Variants in GLDC observed in about 807,000 individuals in gnomAD.
GLDC encodes glycine decarboxylase.
Under a neutral mutation model 121.3 loss-of-function variants are expected in GLDC, and 104 were observed. That is an observed-to-expected ratio of 0.86 (90% CI 0.73 to 1.01). The LOEUF (loss-of-function observed/expected upper bound fraction) is 1.01. Among genes scored for constraint, GLDC ranks in the 50% least tolerant of loss-of-function variants. GLDC has a pLI of 0.00. For synonymous variants in GLDC, 546 were observed against 480.6 expected, an observed-to-expected ratio of 1.14 and a Z score of -1.78; for missense variants, 1,429 against 1,306.6, an observed-to-expected ratio of 1.09 and a Z score of -1.44.
intron 22 of GLDC, among the ~76,000 whole-genome samples, chr9:6,537,812 T>C (rs999210300): frequency 6.6e-6 from 1 of 151,942 alleles, no homozygotes; most frequent in Admixed American, 6.6e-5. Context: ...TCCAGATGAG[T>C]TGAAAGGACT....
intron 21 of GLDC, among the ~76,000 whole-genome samples, chr9:6,542,997 A>G (rs115409809): frequency 0.015 from 2,224 of 151,892 alleles, 61 homozygotes; most frequent in African/African-American, 0.052. Context: ...GGGGAAAATC[A>G]TTAGACTAAG....
chr9:6,637,952 GT>G (rs1819541327), intron 2 of GLDC, among the ~76,000 whole-genome samples: 1 of 150,892 alleles, frequency 6.6e-6, no homozygotes, highest in Non-Finnish European at 1.5e-5. Flanking sequence ...ACCTCCCAAA[GT>G]GCTGAGATTA....
chr9:6,603,883 C>T (rs1818677207), intron 7 of GLDC, among the ~76,000 whole-genome samples: 1 of 151,876 alleles, frequency 6.6e-6, no homozygotes, highest in Non-Finnish European at 1.5e-5. Flanking sequence ...GCGCCCACCA[C>T]CACGCCCACC....
In GLDC at chr9:6,568,619, G is replaced by T. The variant is rs564232006; in HGVS notation, c.1851-3190C>A. ...TCCTAACACTTTGGGAGGCCAAGGT[G>T]GGCGGATCACCTGAGATCAGGAGTT... On this transcript the variant is annotated intron_variant, in intron 15 of 24. Coordinates refer to ENST00000321612, the MANE Select transcript of GLDC (RefSeq NM_000170.3). Among the ~76,000 whole-genome samples, 4 of 152,298 alleles carry T rather than the reference G, an allele frequency of 2.6e-5. No individual in the cohort carries two copies. The East Asian group carries it at 7.7e-4, about 29-fold the overall frequency.
At chr9:6,548,929 C>T (rs1409043185) in intron 21 of GLDC, among the ~76,000 whole-genome samples, 1 of 152,160 alleles carries the variant, frequency 6.6e-6, no homozygotes, top group Non-Finnish European at 1.5e-5. Context: ...CCTACTGAAG[C>T]AGCCCCCTCC....
chr9:6,603,629 G>C (rs1458114722), intron 7 of GLDC, among the ~76,000 whole-genome samples: 4 of 151,798 alleles, frequency 2.6e-5, no homozygotes, highest in African/African-American at 9.7e-5. Flanking sequence ...TTATGTTAAA[G>C]TCCAGCTTTT....
At chr9:6,590,079 GC>G (rs1243705819) in intron 11 of GLDC, among the ~76,000 whole-genome samples, 1 of 151,764 alleles carries the variant, frequency 6.6e-6, no homozygotes, top group Non-Finnish European at 1.5e-5. Flanking sequence ...AAATATAGGG[GC>G]TAATCTGCAT....
At chr9:6,619,056 T>A (rs559664646) in intron 3 of GLDC, among the ~76,000 whole-genome samples, 2 of 141,354 alleles carry the variant, frequency 1.4e-5, no homozygotes, top group Non-Finnish European at 3.0e-5. Context: ...GGCAGGAGAA[T>A]CACTTGAACT....
chr9:6,553,791 C>T (rs1817562789), intron 19 of GLDC, among the ~76,000 whole-genome samples: 1 of 152,052 alleles, frequency 6.6e-6, no homozygotes, highest in South Asian at 2.1e-4. Flanking sequence ...TTCCATGTCC[C>T]TCCCTCCCAC....
chr9:6,535,855 C>T (rs756748738), intron 23 of GLDC: 4 of 597,422 alleles, frequency 6.7e-6, no homozygotes, highest in Admixed American at 2.4e-5. Context: ...CTGTGGACAG[C>T]TTCCACAACC....
intron 2 of GLDC, chr9:6,623,227 A>G (rs534250744): frequency 0.018 from 3,362 of 182,910 alleles, 78 homozygotes; most frequent in Non-Finnish European, 0.025. Flanking sequence ...GTGTCTGTGT[A>G]GAAAGAAGTA....
At chr9:6,574,759 T>TA (rs1818031495) in intron 15 of GLDC, among the ~76,000 whole-genome samples, 4 of 152,088 alleles carry the variant, frequency 2.6e-5, no homozygotes, top group Admixed American at 2.6e-4. Context: ...GGCTTACAGG[T>TA]CTCTCATATT....
intron 15 of GLDC, among the ~76,000 whole-genome samples, chr9:6,585,507 C>T (rs1393161404): frequency 6.6e-6 from 1 of 152,188 alleles, no homozygotes; most frequent in African/African-American, 2.4e-5. Context: ...CTTTAAGACG[C>T]AATTGAGAGC....
intron 16 of GLDC, among the ~76,000 whole-genome samples, chr9:6,559,387 C>T (rs1355225981): frequency 2.0e-5 from 3 of 151,368 alleles, no homozygotes; most frequent in African/African-American, 4.9e-5. Context: ...TGGTGGTAGG[C>T]GTCTGTAATC....
chr9:6,588,555 T>C lies in GLDC; in HGVS notation c.1665+63A>G. 2.7e-6 allele frequency: 4 copies of C among 1,455,190 alleles called. No individual in the cohort carries two copies. The South Asian group carries it at 4.6e-5, about 17-fold the overall frequency. 90.1% of individuals were successfully genotyped at this position (1,455,190 alleles called of 1,614,324 possible). A position where few individuals can be genotyped will look rare whatever the true frequency, so the allele number is the denominator to read the frequency against. ...TTTGTTGCTCTTGGAGCATATTAGGTAGGACCAAGAGACGTGGGATTGGGG... is the reference window on the plus strand; with the variant it reads ...TTTGTTGCTCTTGGAGCATATTAGGCAGGACCAAGAGACGTGGGATTGGGG... On this transcript the variant is annotated intron_variant, in intron 13 of 24. Transcript: ENST00000321612.
Position 6,599,179 on chromosome 9 carries a change from C to T in GLDC, c.1155+2930G>A, listed in dbSNP as rs559480036. On this transcript the variant is annotated intron_variant, in intron 8 of 24. Coordinates refer to ENST00000321612, the MANE Select transcript of GLDC (RefSeq NM_000170.3). Reference sequence around the variant, plus strand: ...AGCCTGGGCAACAAGAGAAAGACTCCGTCTCAAAAAAAAAAAAAAGAAAGA... The same window carrying T: ...AGCCTGGGCAACAAGAGAAAGACTCTGTCTCAAAAAAAAAAAAAAGAAAGA... Among the ~76,000 whole-genome samples the T allele has an allele frequency of 4.9e-4, 73 of 148,410 alleles. 1 individual carries two copies. Among genetic ancestry groups the T allele is most frequent in the Non-Finnish European group, 7.9e-4 (53 of 67,234 alleles).
At chr9:6,579,571 C>T (rs1818135952) in intron 15 of GLDC, among the ~76,000 whole-genome samples, 1 of 152,082 alleles carries the variant, frequency 6.6e-6, no homozygotes, top group Admixed American at 6.5e-5. Context: ...GTCACCCAGG[C>T]TGTTCTCAAA....
chr9:6,592,860 C>G lies in GLDC; in HGVS notation c.1392G>C (p.Glu464Asp). Reference protein sequence around the residue: ...AQRQINFRLFEDGTLGISLDE... With the variant: ...AQRQINFRLFDDGTLGISLDE... ...TGAAAATTTGACTTACTGTGCCATC[C>G]TCAAAAAGCCGAAAATTGATCTGCC... The change falls in exon 10 of 25, where the codon GAG becomes GAC. Residue 464 changes from glutamate to aspartate, a missense_variant. Glu to Asp is a conservative substitution (Grantham distance 45). Coordinates refer to ENST00000321612, the MANE Select transcript of GLDC (RefSeq NM_000170.3). 1.9e-6 allele frequency: 3 copies of G among 1,613,378 alleles called. No individual in the cohort carries two copies. The highest frequency in any genetic ancestry group is 2.5e-6 in the Non-Finnish European group (3 of 1,179,938).
intron 14 of GLDC, 92 bp downstream of exon 14, chr9:6,588,309 C>G: frequency 1.2e-6 from 1 of 865,592 alleles, no homozygotes. Context: ...CACAGAATCA[C>G]AGTCCCAGTA....
Sources: allele counts gnomAD v4.1 joint callset (sites outside exome capture counted in the v4.1 genomes callset), GRCh38; gene constraint gnomAD v4.1.1; transcripts MANE v1.5; gene names NCBI Gene and HGNC (gene_info 2026-07-23, HGNC 2026-07-21).